Variants in ALG5 observed in about 807,000 individuals in gnomAD.
The protein encoded by ALG5 is ALG5 dolichyl-phosphate beta-glucosyltransferase.
A neutral mutation model predicts 51.8 loss-of-function variants in ALG5; 26 were observed. The ratio of observed to expected loss-of-function variants is 0.50; its 90% CI spans 0.37 to 0.70. The LOEUF is 0.70. ALG5 is among the 30% of genes least tolerant of loss of function. The pLI is 0.00. For synonymous variants in ALG5, 141 were observed against 136.1 expected, an observed-to-expected ratio of 1.04 and a Z score of -0.25; for missense variants, 311 against 399.3, an observed-to-expected ratio of 0.78 and a Z score of 1.88.
At chr13:36,977,814 AC>A (rs371630278) in intron 6 of ALG5, among the ~76,000 whole-genome samples, 2,299 of 98,252 alleles carry the variant, frequency 0.023, 373 homozygotes, top group African/African-American at 0.028. Flanking sequence ...AAAAAAAAAA[AC>A]AAAAACGGTG....
At chr13:36,995,375 CTT>C in intron 2 of ALG5, 48 bp downstream of exon 2, 2 of 1,556,370 alleles carry the variant, frequency 1.3e-6, no homozygotes, top group Non-Finnish European at 1.7e-6. Flanking sequence ...TTTAAATTTC[CTT>C]TTCTTTTCCA....
intron 7 of ALG5, among the ~76,000 whole-genome samples, chr13:36,966,525 TTA>T (rs1169883438): frequency 6.6e-6 from 1 of 152,216 alleles, no homozygotes; most frequent in African/African-American, 2.4e-5. Context: ...AAAATTTTTT[TTA>T]GAGACAGAGA....
chr13:36,978,792 T>C (rs991286611), intron 6 of ALG5, among the ~76,000 whole-genome samples: 4 of 151,552 alleles, frequency 2.6e-5, no homozygotes, highest in African/African-American at 9.7e-5. Flanking sequence ...GGTGGATGCC[T>C]GTAATCCCAG....
At chr13:36,981,967 T>C (rs540447454) in intron 6 of ALG5, among the ~76,000 whole-genome samples, 4 of 152,226 alleles carry the variant, frequency 2.6e-5, no homozygotes, top group Non-Finnish European at 5.9e-5. Flanking sequence ...GGCAGGCGCC[T>C]GTAGTCCCAG....
At chr13:36,958,010 T>TG (rs2138782766) in intron 8 of ALG5, among the ~76,000 whole-genome samples, 2 of 152,292 alleles carry the variant, frequency 1.3e-5, no homozygotes, top group South Asian at 4.1e-4. Flanking sequence ...CCCTGGATAC[T>TG]GCCAAAGGAA....
intron 8 of ALG5, among the ~76,000 whole-genome samples, chr13:36,958,262 C>T (rs2058849767): frequency 1.3e-5 from 2 of 152,154 alleles, no homozygotes; most frequent in South Asian, 4.1e-4. Flanking sequence ...GAGAATGTGG[C>T]TTCCTGGAAA....
intron 6 of ALG5, among the ~76,000 whole-genome samples, chr13:36,980,714 C>A (rs1042743328): frequency 1.3e-5 from 2 of 151,972 alleles, no homozygotes; most frequent in Admixed American, 6.6e-5. Flanking sequence ...GGCCCATGCT[C>A]CTAATCCCCA....
At chr13:36,987,959 G>A (rs2059009302) in intron 5 of ALG5, among the ~76,000 whole-genome samples, 2 of 152,160 alleles carry the variant, frequency 1.3e-5, no homozygotes, top group South Asian at 4.1e-4. Context: ...CACCGCTCCA[G>A]CCTTATCTCC....
intron 8 of ALG5, among the ~76,000 whole-genome samples, chr13:36,962,083 C>T (rs2058869885): frequency 6.6e-6 from 1 of 152,218 alleles, no homozygotes; most frequent in Non-Finnish European, 1.5e-5. Flanking sequence ...CCACTACGCC[C>T]AGCCGATACC....
At chr13:36,966,688 A>T (rs934169134) in intron 7 of ALG5, among the ~76,000 whole-genome samples, 3 of 152,112 alleles carry the variant, frequency 2.0e-5, no homozygotes, top group Non-Finnish European at 4.4e-5. Context: ...TTAAGACACG[A>T]TCTTTTAAAA....
Position 36,993,594 on chromosome 13 carries a change from G to C in ALG5, c.354+10C>G. On this transcript the variant is annotated intron_variant, in intron 4 of 9. Coordinates refer to ENST00000239891, the MANE Select transcript of ALG5 (RefSeq NM_013338.5). ...TAACTATTGTCAATTCTAAAAGCAA[G>C]TGTATTTACCTTTGAGGTCTGATCT... The C allele has an allele frequency of 6.2e-7, 1 of 1,607,160 alleles. No homozygotes were observed. Among genetic ancestry groups the C allele is most frequent in the Non-Finnish European group, 8.5e-7 (1 of 1,174,092 alleles).
At chr13:36,971,496 T>C (rs1227910226) in intron 7 of ALG5, among the ~76,000 whole-genome samples, 1 of 151,476 alleles carries the variant, frequency 6.6e-6, no homozygotes, top group East Asian at 1.9e-4. Flanking sequence ...AAATACAAAA[T>C]CATAGCCAGG....
intron 4 of ALG5, among the ~76,000 whole-genome samples, chr13:36,993,072 A>G (rs758154398): frequency 1.3e-5 from 2 of 152,312 alleles, no homozygotes; most frequent in Non-Finnish European, 2.9e-5. Context: ...CAAGTGTCCA[A>G]TGTGGCTTTC....
chr13:36,956,765 G>A (rs1037117455), intron 8 of ALG5, among the ~76,000 whole-genome samples: 7 of 152,090 alleles, frequency 4.6e-5, no homozygotes, highest in African/African-American at 1.7e-4. Flanking sequence ...TGAGCTTTAA[G>A]AGGTGGCAGT....
intron 6 of ALG5, among the ~76,000 whole-genome samples, chr13:36,972,771 T>A (rs573827088): frequency 6.6e-6 from 1 of 152,192 alleles, no homozygotes; most frequent in Admixed American, 6.5e-5. Flanking sequence ...GGAGGGCAGA[T>A]CACGAGGTCA....
At chr13:36,976,019 A>G (rs1250559720) in intron 6 of ALG5, among the ~76,000 whole-genome samples, 1 of 151,872 alleles carries the variant, frequency 6.6e-6, no homozygotes, top group African/African-American at 2.4e-5. Context: ...ATTCCCATTA[A>G]CTGGTATGAT....
At chr13:36,984,256 A>G (rs2058992419) in intron 6 of ALG5, among the ~76,000 whole-genome samples, 1 of 151,456 alleles carries the variant, frequency 6.6e-6, no homozygotes, top group Non-Finnish European at 1.5e-5. Context: ...ACACCACCAC[A>G]CCCTGTTAAT....
intron 8 of ALG5, among the ~76,000 whole-genome samples, chr13:36,956,930 C>T (rs1276200087): frequency 6.6e-6 from 1 of 152,096 alleles, no homozygotes; most frequent in Non-Finnish European, 1.5e-5. Flanking sequence ...TAATCTCCTC[C>T]AGGAAACGAA....
rs571172056 is a variant in ALG5 at position 36,956,146 on chromosome 13, T to C, written c.774-3547A>G. 6.6e-5 allele frequency among the ~76,000 whole-genome samples: 10 copies of C among 152,004 alleles called. No homozygotes were observed. In the South Asian group the frequency reaches 2.1e-3, roughly 32 times the overall value. Reference sequence around the variant, plus strand: ...ATCACAAATATACAAGGAACTCAACTCCATAGAAAGAAAACAATTAATTTG... The same window carrying C: ...ATCACAAATATACAAGGAACTCAACCCCATAGAAAGAAAACAATTAATTTG... On this transcript the variant is annotated intron_variant, in intron 8 of 9. Transcript: ENST00000239891.
Sources: gnomAD v4.1 joint callset for allele counts (sites outside exome capture counted in the v4.1 genomes callset) on GRCh38, gnomAD v4.1.1 for gene constraint, MANE v1.5 for transcripts, NCBI Gene and HGNC (gene_info 2026-07-23, HGNC 2026-07-21) for gene names.